AFAP1L2: variants seen among roughly 807,000 people sequenced by gnomAD.
The protein encoded by AFAP1L2 is actin filament associated protein 1 like 2.
In AFAP1L2, 46 loss-of-function variants were observed where a neutral mutation model predicts 99.3. The observed-to-expected ratio is 0.46, with a 90% CI of 0.37 to 0.59. The LOEUF (loss-of-function observed/expected upper bound fraction) is 0.59. Ranked by LOEUF, AFAP1L2 falls within the 20% of genes least tolerant of loss-of-function variation. The pLI is 0.00. For missense variants in AFAP1L2, 959 were observed against 1,034.9 expected (o/e 0.93, Z 1.01); for synonymous variants, 397 against 419.1 (o/e 0.95, Z 0.64).
At chr10:114,297,617 CTTGGGGAGGAGA>C (rs2040464702) in intron 16 of AFAP1L2, among the ~76,000 whole-genome samples, 1 of 152,174 alleles carries the variant, frequency 6.6e-6, no homozygotes, top group African/African-American at 2.4e-5. Flanking sequence ...CTGGGAGGCT[CTTGGGGAGGAGA>C]GCTCTGGCTT....
chr10:114,400,686 C>A (rs914205039), intron 1 of AFAP1L2, among the ~76,000 whole-genome samples: 6 of 152,116 alleles, frequency 3.9e-5, no homozygotes, highest in Non-Finnish European at 5.9e-5. Context: ...CTTTTTTGCT[C>A]TTTTGACATT....
chr10:114,401,648 T>C (rs773814278), intron 1 of AFAP1L2, among the ~76,000 whole-genome samples: 21 of 152,130 alleles, frequency 1.4e-4, no homozygotes, highest in African/African-American at 5.1e-4. Context: ...TTATTTTTGC[T>C]TGGGTGAGTC....
chr10:114,308,465 T>A lies in AFAP1L2; in HGVS notation c.935A>T (p.Asp312Val), dbSNP rs1400761116. 6.2e-7 allele frequency: 1 copy of A among 1,614,068 alleles called. No homozygotes were observed. The highest frequency in any genetic ancestry group is 1.3e-5 in the African/African-American group (1 of 74,932). The change falls in exon 9 of 19, where the codon GAT becomes GTT. Residue 312 changes from aspartate (D) to valine (V), a missense_variant. Asp to Val is a radical substitution (Grantham distance 152). Coordinates refer to ENST00000304129, the MANE Select transcript of AFAP1L2 (RefSeq NM_001001936.3). ...GGTTTCTGGGACCTCAGGGTGGCCA[T>A]CCACGGAGCTCCCATACTCTGAAGC... ...LSASEYGSSV[D>V]GHPEVPETKD...
At chr10:114,388,703 A>G (rs952180434) in intron 1 of AFAP1L2, among the ~76,000 whole-genome samples, 15 of 152,284 alleles carry the variant, frequency 9.9e-5, no homozygotes, top group Non-Finnish European at 1.5e-4. Flanking sequence ...CTCCCATTTA[A>G]AGGGGCTAAT....
At chr10:114,327,025 A>G (rs2046382920) in intron 4 of AFAP1L2, among the ~76,000 whole-genome samples, 1 of 150,338 alleles carries the variant, frequency 6.7e-6, no homozygotes, top group African/African-American at 2.4e-5. Flanking sequence ...GATTAAACAG[A>G]CACAGTGACC....
At chr10:114,348,080 A>G (rs894008671) in intron 1 of AFAP1L2, among the ~76,000 whole-genome samples, 6 of 152,070 alleles carry the variant, frequency 3.9e-5, no homozygotes, top group Non-Finnish European at 8.8e-5. Context: ...TCTTTCCCTT[A>G]GCATTATGTT....
intron 1 of AFAP1L2, among the ~76,000 whole-genome samples, chr10:114,403,334 C>T (rs575430354): frequency 6.6e-6 from 1 of 152,266 alleles, no homozygotes; most frequent in African/African-American, 2.4e-5. Context: ...AAGTGAAAGA[C>T]AAGACTACTT....
chr10:114,346,400 G>C (rs559108305), intron 1 of AFAP1L2, among the ~76,000 whole-genome samples: 3 of 152,152 alleles, frequency 2.0e-5, no homozygotes, highest in Admixed American at 6.5e-5. Flanking sequence ...TTGGGTGTCC[G>C]ACAAGGTGCT....
chr10:114,365,630 G>A (rs761837687), intron 1 of AFAP1L2, among the ~76,000 whole-genome samples: 6 of 151,886 alleles, frequency 4.0e-5, no homozygotes, highest in Admixed American at 2.0e-4. Context: ...TGCCTTTCTA[G>A]CCCAATTTCT....
rs2040098956 is a variant in AFAP1L2, at chr10:114,295,694, A to T, written c.*348T>A. On this transcript the variant is annotated 3_prime_UTR_variant, in exon 19 of 19. Transcript: ENST00000304129. ...AGACAGGGCCCTGCTTCCTTGATTC[A>T]TCTTCCACCAAAGTCTAAACAGGAG... The T allele has an allele frequency of 1.9e-6, 2 of 1,048,704 alleles. No homozygotes were observed. The highest frequency in any genetic ancestry group is 1.7e-5 in the African/African-American group (1 of 58,796). 65.0% of individuals were successfully genotyped at this position (1,048,704 alleles called of 1,614,324 possible).
rs756849471 is a variant in AFAP1L2 at position 114,300,489 on chromosome 10, G to A, written c.1744C>T (p.Pro582Ser). 31 of 1,614,152 alleles carry A rather than the reference G, an allele frequency of 1.9e-5. No individual in the cohort carries two copies. In the South Asian group the frequency reaches 3.4e-4, roughly 18 times the overall value. Residue 582 changes from proline to serine, a missense_variant, in exon 14 of 19, where the codon CCA becomes TCA. Around this residue, in one of 2 missense-constraint regions of AFAP1L2, gnomAD observed 576 missense variants for 562.1 expected, o/e 1.02. Coordinates refer to ENST00000304129, the MANE Select transcript of AFAP1L2 (RefSeq NM_001001936.3). ...GGACACTTTATGCAGGGCTCATCTG[G>A]GGTGGGACCTGGGCCTGAGTCTGCC... ...LPADSGPGPT[P>S]DEPCIKCPEN... is the part of the protein sequence containing the mutation.
At chr10:114,306,202 G>C (rs1242798340) in intron 10 of AFAP1L2, among the ~76,000 whole-genome samples, 2 of 127,692 alleles carry the variant, frequency 1.6e-5, no homozygotes, top group African/African-American at 3.0e-5. Flanking sequence ...GGAGGGGATG[G>C]GGCTACAGGA....
At chr10:114,289,198 G>A in the AFAP1L2 span, 163 of 1,613,486 alleles carry the variant, frequency 1.0e-4, no homozygotes, top group East Asian at 8.7e-4. Context: ...GGGCTCAGCC[G>A]GCACCGCCCT....
chr10:114,400,674 A>T (rs2058148431), intron 1 of AFAP1L2, among the ~76,000 whole-genome samples: 1 of 152,132 alleles, frequency 6.6e-6, no homozygotes, highest in Non-Finnish European at 1.5e-5. Flanking sequence ...AAAATTACTG[A>T]TCTTTTTTGC....
At position 114,327,171 on chromosome 10, in the gene AFAP1L2, A is replaced by AT. The variant is rs1236022261; in HGVS notation, c.316-3911dup. 1.8e-3 allele frequency among the ~76,000 whole-genome samples: 121 copies of AT among 68,292 alleles called. 6 individuals are homozygous for AT. The highest frequency in any genetic ancestry group is 5.6e-3 in the African/African-American group (115 of 20,634). 44.8% of individuals were successfully genotyped at this position (68,292 alleles called of 152,430 possible). ...TTTATATATATATATATATATATAT[A>AT]TATTTTTTTTTTAGGCAGAGTCTCA... On this transcript the variant is annotated intron_variant, in intron 4 of 18. Transcript: ENST00000304129.
intron 16 of AFAP1L2, among the ~76,000 whole-genome samples, chr10:114,298,513 A>T (rs2040605033): frequency 6.6e-6 from 1 of 152,164 alleles, no homozygotes; most frequent in Non-Finnish European, 1.5e-5. Context: ...AAGTTACTCC[A>T]TGAAAACTAA....
At chr10:114,344,613 C>T in intron 1 of AFAP1L2, among the ~76,000 whole-genome samples, 1 of 152,184 alleles carries the variant, frequency 6.6e-6, no homozygotes, top group Non-Finnish European at 1.5e-5. Flanking sequence ...AAGGTGACCC[C>T]AAGGGGTCCT....
intron 11 of AFAP1L2, among the ~76,000 whole-genome samples, chr10:114,303,813 G>A (rs770116015): frequency 6.6e-6 from 1 of 152,108 alleles, no homozygotes; most frequent in Non-Finnish European, 1.5e-5. Flanking sequence ...TCAGGGCTCC[G>A]TTGCTCCTAG....
chr10:114,302,645 C>T (rs559951487), intron 11 of AFAP1L2, among the ~76,000 whole-genome samples, 161 bp from the exon 12 acceptor site: 1 of 152,090 alleles, frequency 6.6e-6, no homozygotes, highest in East Asian at 1.9e-4. Context: ...GCCTATCCCA[C>T]CCCCCAGTGG....
Sources: allele counts gnomAD v4.1 joint callset (sites outside exome capture counted in the v4.1 genomes callset), GRCh38; gene constraint gnomAD v4.1.1; regional missense constraint gnomAD v4.1.1; transcripts MANE v1.5; gene names NCBI Gene and HGNC (gene_info 2026-07-23, HGNC 2026-07-21).